Variants in SGCD observed in about 807,000 individuals in gnomAD.
The protein encoded by SGCD is sarcoglycan delta.
A neutral mutation model predicts 36.6 loss-of-function variants in SGCD; 18 were observed. The ratio of observed to expected loss-of-function variants is 0.49; its 90% CI spans 0.34 to 0.73. The LOEUF (loss-of-function observed/expected upper bound fraction) is 0.73. Among genes scored for constraint, SGCD ranks in the 30% least tolerant of loss-of-function variants. The pLI is 0.01. For missense variants in SGCD, 387 were observed against 346.7 expected (o/e 1.12, Z -0.92); for synonymous variants, 133 against 130.6 (o/e 1.02, Z -0.12).
At chr5:156,377,272 A>G (rs1770721120) in intron 3 of SGCD, among the ~76,000 whole-genome samples, 1 of 152,158 alleles carries the variant, frequency 6.6e-6, no homozygotes, top group Non-Finnish European at 1.5e-5. Context: ...GAGTAATTTA[A>G]TGATGCTTAA....
intron 1 of SGCD, among the ~76,000 whole-genome samples, chr5:155,979,980 C>T (rs144118597): frequency 6.6e-6 from 1 of 152,178 alleles, no homozygotes; most frequent in Non-Finnish European, 1.5e-5. Flanking sequence ...GAGGGTTCCA[C>T]CTTCATGACC....
intron 3 of SGCD, among the ~76,000 whole-genome samples, chr5:156,482,607 A>G (rs1755480086): frequency 6.6e-6 from 1 of 152,184 alleles, no homozygotes; most frequent in Non-Finnish European, 1.5e-5. Flanking sequence ...GATCCTCTTT[A>G]AAGTCAAAGT....
At chr5:155,991,323 T>C (rs1758428313) in intron 1 of SGCD, among the ~76,000 whole-genome samples, 1 of 152,236 alleles carries the variant, frequency 6.6e-6, no homozygotes, top group African/African-American at 2.4e-5. Flanking sequence ...AGCTTGCTTA[T>C]GCTTAGGGGA....
intron 3 of SGCD, among the ~76,000 whole-genome samples, chr5:156,455,701 T>G (rs766076002): frequency 2.0e-5 from 3 of 152,192 alleles, no homozygotes; most frequent in Admixed American, 6.5e-5. Context: ...TTACAGTGAT[T>G]GAAGGCTTGA....
the SGCD span, among the ~76,000 whole-genome samples, chr5:155,765,001 T>C: frequency 6.6e-6 from 1 of 152,136 alleles, no homozygotes; most frequent in South Asian, 2.1e-4. Context: ...TAGCATGGGT[T>C]AAACATGTCT....
At chr5:156,278,503 A>G (rs1228130732) in intron 3 of SGCD, among the ~76,000 whole-genome samples, 1 of 152,162 alleles carries the variant, frequency 6.6e-6, no homozygotes, top group African/African-American at 2.4e-5. Context: ...AACTCAAGAT[A>G]ATTGTTTTTC....
chr5:156,228,708 T>G (rs1392207828), intron 3 of SGCD, among the ~76,000 whole-genome samples: 1 of 150,200 alleles, frequency 6.7e-6, no homozygotes, highest in Non-Finnish European at 1.5e-5. Context: ...CCGTGGTTTT[T>G]TGTTTTTGTT....
intron 3 of SGCD, among the ~76,000 whole-genome samples, chr5:156,433,405 T>C (rs1240938509): frequency 6.6e-6 from 1 of 152,158 alleles, no homozygotes; most frequent in African/African-American, 2.4e-5. Flanking sequence ...TAAACTGGGT[T>C]GGGAAACAAG....
At chr5:155,964,384 G>A (rs1439821809) in intron 1 of SGCD, among the ~76,000 whole-genome samples, 1 of 151,928 alleles carries the variant, frequency 6.6e-6, no homozygotes, top group Non-Finnish European at 1.5e-5. Flanking sequence ...CTGTCACCCA[G>A]GTTGGAGTGC....
intron 3 of SGCD, among the ~76,000 whole-genome samples, chr5:156,362,581 G>T (rs1014686108): frequency 3.3e-5 from 5 of 152,162 alleles, no homozygotes; most frequent in Admixed American, 3.3e-4. Flanking sequence ...GGGAGGCAGA[G>T]GTTGCAGTGA....
chr5:156,534,723 G>A (rs1257787755), intron 4 of SGCD, among the ~76,000 whole-genome samples: 1 of 152,152 alleles, frequency 6.6e-6, no homozygotes, highest in African/African-American at 2.4e-5. Flanking sequence ...GTAACTGGAG[G>A]CATATTACCT....
the SGCD span, among the ~76,000 whole-genome samples, chr5:155,826,637 A>G: frequency 6.6e-6 from 1 of 152,208 alleles, no homozygotes; most frequent in African/African-American, 2.4e-5. Context: ...CTTCAGGTAG[A>G]TCTTCCCTTT....
At chr5:156,292,073 A>G (rs987382164) in intron 3 of SGCD, among the ~76,000 whole-genome samples, 9 of 152,104 alleles carry the variant, frequency 5.9e-5, no homozygotes, top group African/African-American at 2.2e-4. Flanking sequence ...GATGCTGTGT[A>G]TAAGTGAGAT....
At chr5:156,455,791 G>C (rs1446058076) in intron 3 of SGCD, among the ~76,000 whole-genome samples, 4 of 152,212 alleles carry the variant, frequency 2.6e-5, no homozygotes, top group African/African-American at 9.6e-5. Context: ...AATCTTTGCA[G>C]ATATAATCAA....
chr5:156,250,231 T>C (rs1765541203), intron 3 of SGCD, among the ~76,000 whole-genome samples: 2 of 152,234 alleles, frequency 1.3e-5, no homozygotes, highest in Admixed American at 1.3e-4. Context: ...CTACCTCTGT[T>C]ACCACTGATA....
At chr5:156,432,729 C>T (rs761727855) in intron 3 of SGCD, among the ~76,000 whole-genome samples, 16 of 152,078 alleles carry the variant, frequency 1.1e-4, no homozygotes, top group Non-Finnish European at 2.1e-4. Context: ...CAGAAGAGTT[C>T]ACAAGGGGAG....
chr5:156,047,154 C>T (rs1759786085), intron 1 of SGCD, among the ~76,000 whole-genome samples: 1 of 152,042 alleles, frequency 6.6e-6, no homozygotes, highest in African/African-American at 2.4e-5. Context: ...GAGGAAGCTG[C>T]AGAAGAAAAG....
the SGCD span, among the ~76,000 whole-genome samples, chr5:155,859,284 C>T: frequency 1.3e-5 from 2 of 151,944 alleles, no homozygotes; most frequent in Non-Finnish European, 2.9e-5. Context: ...CTAGGCTGGT[C>T]TCAAACTCCT....
chr5:156,043,946 C>T (rs554885256), intron 1 of SGCD, among the ~76,000 whole-genome samples: 11 of 152,024 alleles, frequency 7.2e-5, no homozygotes, highest in Non-Finnish European at 1.3e-4. Context: ...TGGAGAAAAC[C>T]GAGAATTTTT....
Sources: allele counts gnomAD v4.1 joint callset (sites outside exome capture counted in the v4.1 genomes callset), GRCh38; gene constraint gnomAD v4.1.1; transcripts MANE v1.5; gene names NCBI Gene and HGNC (gene_info 2026-07-23, HGNC 2026-07-21).